CDKL2: variants seen among roughly 807,000 people sequenced by gnomAD.
CDKL2 encodes cyclin dependent kinase like 2.
A neutral mutation model predicts 63.9 loss-of-function variants in CDKL2; 64 were observed. The ratio of observed to expected loss-of-function variants is 1.00; its 90% CI spans 0.82 to 1.23. CDKL2 has a LOEUF of 1.23. CDKL2 is among the 50% of genes most tolerant of loss of function. The probability of loss-of-function intolerance (pLI) is 0.00; values close to 1 mark genes in which losing one functional copy is unlikely to be tolerated. For missense variants in CDKL2, 656 were observed against 668.0 expected (o/e 0.98, Z 0.20); for synonymous variants, 211 against 229.2 (o/e 0.92, Z 0.72).
At position 75,578,300 on chromosome 4, in the gene CDKL2, A is replaced by G. The variant is rs1728114496; in HGVS notation, c.*902T>C. On this transcript the variant is annotated 3_prime_UTR_variant, in exon 14 of 14. Coordinates refer to ENST00000307465, the MANE Select transcript of CDKL2 (RefSeq NM_001330724.2). Reference sequence around the variant, plus strand: ...AGGGGACAAAAGTGGAGTCCATAATAATGAACGTTCTCTCCCCAAACCCTC... The same window carrying G: ...AGGGGACAAAAGTGGAGTCCATAATGATGAACGTTCTCTCCCCAAACCCTC... 6.6e-6 allele frequency: 1 copy of G among 152,178 alleles called. No homozygotes were observed. The highest frequency in any genetic ancestry group is 1.5e-5 in the Non-Finnish European group (1 of 68,050). The allele number at this position is 152,178 out of a possible 1,614,324, so 9.4% of individuals were successfully genotyped here.
At chr4:75,602,125 A>T (rs1729216559) in intron 6 of CDKL2, among the ~76,000 whole-genome samples, 1 of 152,178 alleles carries the variant, frequency 6.6e-6, no homozygotes, top group African/African-American at 2.4e-5. Context: ...CCCCTTTGAC[A>T]ATATCATACA....
At chr4:75,629,188 T>C (rs1485602088) in intron 1 of CDKL2, among the ~76,000 whole-genome samples, 1 of 152,192 alleles carries the variant, frequency 6.6e-6, no homozygotes, top group African/African-American at 2.4e-5. Context: ...ATCATACCAA[T>C]GACAAAAATA....
At chr4:75,617,563 T>A (rs1729982681) in intron 2 of CDKL2, among the ~76,000 whole-genome samples, 1 of 152,164 alleles carries the variant, frequency 6.6e-6, no homozygotes, top group Admixed American at 6.5e-5. Context: ...AAATTTCATA[T>A]CCTAATGGAA....
At chr4:75,623,581 A>G (rs553890590) in intron 2 of CDKL2, among the ~76,000 whole-genome samples, 128 of 152,342 alleles carry the variant, frequency 8.4e-4, no homozygotes, top group African/African-American at 3.0e-3. Context: ...CAGAAACACA[A>G]TGTAAAATTT....
At chr4:75,579,600 C>T (rs879597172) in intron 13 of CDKL2, among the ~76,000 whole-genome samples, 55 of 151,760 alleles carry the variant, frequency 3.6e-4, no homozygotes, top group African/African-American at 1.3e-3. Context: ...CACTTGAACC[C>T]GGGAGGTGGA....
chr4:75,628,537 GA>G (rs1206636477), intron 1 of CDKL2, among the ~76,000 whole-genome samples: 1 of 151,958 alleles, frequency 6.6e-6, no homozygotes, highest in Non-Finnish European at 1.5e-5. Context: ...CTTTCGTACA[GA>G]AAAAAATTAT....
chr4:75,615,493 G>A lies in CDKL2; in HGVS notation c.169-1044C>T, dbSNP rs189937061. Among the ~76,000 whole-genome samples, 3 of 152,292 alleles carry A rather than the reference G, an allele frequency of 2.0e-5. No homozygotes were observed. In the East Asian group the frequency reaches 5.8e-4, roughly 29 times the overall value. On this transcript the variant is annotated intron_variant, in intron 2 of 13. Coordinates refer to ENST00000307465, the MANE Select transcript of CDKL2 (RefSeq NM_001330724.2). The stretch of plus-strand genomic sequence containing the variant: ...TCTCAAAATCCTCAAGAAAATCCAA[G>A]TATGATCCAGGAACTTTATACCCAA...
chr4:75,591,645 A>G (rs1728719933), intron 12 of CDKL2, among the ~76,000 whole-genome samples, 174 bp downstream of exon 12: 1 of 152,182 alleles, frequency 6.6e-6, no homozygotes, highest in African/African-American at 2.4e-5. Flanking sequence ...ATGTAAATAT[A>G]TATGTAATAA....
chr4:75,606,280 T>A (rs539389712), intron 4 of CDKL2, among the ~76,000 whole-genome samples: 1 of 151,136 alleles, frequency 6.6e-6, no homozygotes, highest in East Asian at 1.9e-4. Flanking sequence ...AGTCGCGTAA[T>A]CTCAGCTCAC....
intron 13 of CDKL2, among the ~76,000 whole-genome samples, chr4:75,580,403 CA>C (rs1456237732): frequency 2.0e-5 from 3 of 152,102 alleles, no homozygotes; most frequent in African/African-American, 7.2e-5. Context: ...TGGTGGCTCA[CA>C]CCTCTAATTC....
At chr4:75,623,050 C>T (rs182529350) in intron 2 of CDKL2, among the ~76,000 whole-genome samples, 7 of 152,138 alleles carry the variant, frequency 4.6e-5, no homozygotes, top group Admixed American at 2.0e-4. Context: ...CTGAGGAGGG[C>T]GGATTGCTTG....
intron 3 of CDKL2, among the ~76,000 whole-genome samples, chr4:75,611,458 CAAAAAAAAAA>C (rs71203834): frequency 3.9e-5 from 3 of 76,732 alleles, no homozygotes; most frequent in Admixed American, 1.6e-4. Context: ...GATTCTGTCT[CAAAAAAAAAA>C]AAAAAAAAAA....
At chr4:75,602,654 T>C (rs537207647) in intron 6 of CDKL2, among the ~76,000 whole-genome samples, 2 of 152,244 alleles carry the variant, frequency 1.3e-5, no homozygotes. Context: ...CCCGAGTAGC[T>C]GGGATTACAG....
intron 7 of CDKL2, among the ~76,000 whole-genome samples, chr4:75,599,425 G>A (rs1729080433): frequency 6.6e-6 from 1 of 152,038 alleles, no homozygotes; most frequent in Admixed American, 6.5e-5. Flanking sequence ...GCCAGTTGTG[G>A]TGGCACATGC....
In CDKL2 at chr4:75,577,111, C is replaced by G. The variant is rs532783626; in HGVS notation, c.*2091G>C. 1.3e-5 allele frequency among the ~76,000 whole-genome samples: 2 copies of G among 151,978 alleles called. No homozygotes were observed. Among genetic ancestry groups the G allele is most frequent in the South Asian group, 2.1e-4 (1 of 4,818 alleles). On this transcript the variant is annotated 3_prime_UTR_variant, in exon 14 of 14. Transcript: ENST00000307465. ...ATCTAAATTTAAACCATCTATGGAG[C>G]CCAGTAAGATAATATTTATTAATTT...
Position 75,622,715 on chromosome 4 carries a change from C to CAAAA in CDKL2, c.168+3102_168+3105dup, listed in dbSNP as rs1171964321. Reference sequence around the variant, plus strand: ...CCTGGGTGACAGAGCAAGACTCCATCAAAAAAAAAAAAAAAAAAAAAAAAA... The same window carrying CAAAA: ...CCTGGGTGACAGAGCAAGACTCCATCAAAAAAAAAAAAAAAAAAAAAAAAAAAAA... On this transcript the variant is annotated intron_variant, in intron 2 of 13. Transcript: ENST00000307465. 1.4e-3 allele frequency among the ~76,000 whole-genome samples: 20 copies of CAAAA among 13,960 alleles called. 3 individuals are homozygous for CAAAA. Among genetic ancestry groups the CAAAA allele is most frequent in the South Asian group, 0.011 (1 of 88 alleles). The allele number at this position is 13,960 out of a possible 152,430, so 9.2% of individuals were successfully genotyped here.
chr4:75,584,034 CTAGT>C (rs1728368906), intron 12 of CDKL2, among the ~76,000 whole-genome samples: 1 of 152,144 alleles, frequency 6.6e-6, no homozygotes, highest in Non-Finnish European at 1.5e-5. Flanking sequence ...CTGTCCCTAG[CTAGT>C]TAATCAAACT....
intron 6 of CDKL2, among the ~76,000 whole-genome samples, chr4:75,601,016 GACAA>G (rs1270256881): frequency 6.6e-6 from 1 of 152,008 alleles, no homozygotes; most frequent in African/African-American, 2.4e-5. Flanking sequence ...AAATTCTAAG[GACAA>G]ACAACTTAGT....
At chr4:75,629,463 C>T (rs556316655) in intron 1 of CDKL2, among the ~76,000 whole-genome samples, 2 of 152,308 alleles carry the variant, frequency 1.3e-5, no homozygotes, top group African/African-American at 4.8e-5. Context: ...CCTACAAAGC[C>T]TCCTGTTTCC....
Sources: gnomAD v4.1 joint callset for allele counts (sites outside exome capture counted in the v4.1 genomes callset) on GRCh38, gnomAD v4.1.1 for gene constraint, MANE v1.5 for transcripts, NCBI Gene and HGNC (gene_info 2026-07-23, HGNC 2026-07-21) for gene names.